SACM1L: variants seen among roughly 807,000 people sequenced by gnomAD.
The protein encoded by SACM1L is phosphatidylinositol-3-phosphatase SAC1.
Under a neutral mutation model 89.5 loss-of-function variants are expected in SACM1L, and 32 were observed. That is an observed-to-expected ratio of 0.36 (90% CI 0.27 to 0.48). The LOEUF (loss-of-function observed/expected upper bound fraction) is 0.48. Among genes scored for constraint, SACM1L ranks in the 20% least tolerant of loss-of-function variants. SACM1L has a pLI of 0.99. For missense variants in SACM1L, 543 were observed against 708.5 expected (o/e 0.77, Z 2.65); for synonymous variants, 213 against 232.8 (o/e 0.92, Z 0.77).
At chr3:45,704,177 G>C (rs1698334894) in intron 2 of SACM1L, among the ~76,000 whole-genome samples, 1 of 152,038 alleles carries the variant, frequency 6.6e-6, no homozygotes, top group Non-Finnish European at 1.5e-5. Context: ...TATACCATGT[G>C]ATAACATATT....
intron 1 of SACM1L, among the ~76,000 whole-genome samples, chr3:45,698,315 G>T (rs2673050): frequency 0.36 from 54,902 of 152,032 alleles, 11,061 homozygotes; most frequent in Middle Eastern, 0.5. Context: ...TACTTCTAAT[G>T]AGCATCCCTA....
chr3:45,712,858 G>T (rs1281787221), intron 5 of SACM1L, among the ~76,000 whole-genome samples: 2 of 152,156 alleles, frequency 1.3e-5, no homozygotes, highest in African/African-American at 4.8e-5. Flanking sequence ...GAGTAGAAAT[G>T]TAAAAAATAT....
intron 11 of SACM1L, 120 bp from the exon 12 acceptor site, chr3:45,731,181 T>G: frequency 1.8e-6 from 1 of 550,900 alleles, no homozygotes; most frequent in Non-Finnish European, 3.1e-6. Flanking sequence ...GCTTCTGGGT[T>G]TTTTTGATGT....
At chr3:45,697,269 CTTTTTTTTTTTTTTTT>C (rs869095037) in intron 1 of SACM1L, among the ~76,000 whole-genome samples, 1 of 92,090 alleles carries the variant, frequency 1.1e-5, no homozygotes, top group Non-Finnish European at 2.0e-5. Flanking sequence ...TTTTCTTTTC[CTTTTTTTTTTTTTTTT>C]TTTTTTTTTA....
chr3:45,718,334 GA>G (rs796950387), intron 7 of SACM1L, among the ~76,000 whole-genome samples: 3 of 150,886 alleles, frequency 2.0e-5, no homozygotes, highest in South Asian at 4.2e-4. Flanking sequence ...GACTAAACAA[GA>G]ATTTGTTTAG....
At chr3:45,742,389 A>G (rs1056860385) in intron 19 of SACM1L, among the ~76,000 whole-genome samples, 2 of 152,208 alleles carry the variant, frequency 1.3e-5, no homozygotes. Context: ...AAGAGAATAG[A>G]AAACAAATGT....
intron 11 of SACM1L, among the ~76,000 whole-genome samples, chr3:45,729,688 G>A (rs1435776206): frequency 3.9e-5 from 6 of 152,152 alleles, no homozygotes; most frequent in African/African-American, 1.2e-4. Context: ...AGAATCTCTT[G>A]TGTGTGATGA....
At chr3:45,689,803 C>G in intron 1 of SACM1L, 1 of 547,466 alleles carries the variant, frequency 1.8e-6, no homozygotes, top group Non-Finnish European at 3.3e-6. Flanking sequence ...TCAGGGCACG[C>G]TTGTCCCCAC....
At position 45,721,095 on chromosome 3, in the gene SACM1L, A is replaced by G. The variant is rs544080642; in HGVS notation, c.680-905A>G. Among the ~76,000 whole-genome samples, 4 of 152,366 alleles carry G rather than the reference A, an allele frequency of 2.6e-5. No individual in the cohort carries two copies. The South Asian group carries it at 8.3e-4, about 32-fold the overall frequency. ...AAGAATCCAAACACTTTGCTTTTCA[A>G]ACTAGGTTTTGTGAGCATATTCATG... On this transcript the variant is annotated intron_variant, in intron 8 of 19. Coordinates refer to ENST00000389061, the MANE Select transcript of SACM1L (RefSeq NM_014016.5).
intron 13 of SACM1L, among the ~76,000 whole-genome samples, chr3:45,732,485 G>T (rs1699098077): frequency 6.6e-6 from 1 of 151,956 alleles, no homozygotes; most frequent in Non-Finnish European, 1.5e-5. Flanking sequence ...GTATTTTGTT[G>T]TTAACCTGTA....
In SACM1L at chr3:45,727,089, G is replaced by A. The variant is rs376129075; in HGVS notation, c.921+3546G>A. On this transcript the variant is annotated intron_variant, in intron 11 of 19. Transcript: ENST00000389061. Reference sequence around the variant, plus strand: ...TTTAGTAGAGACGGGGTTTCACCTTGTTAGCCAGGATGGTCTCGATCTCCT... The same window carrying A: ...TTTAGTAGAGACGGGGTTTCACCTTATTAGCCAGGATGGTCTCGATCTCCT... Among the ~76,000 whole-genome samples the A allele has an allele frequency of 9.2e-4, 26 of 28,284 alleles. 10 individuals are homozygous for A. Among genetic ancestry groups the A allele is most frequent in the African/African-American group, 3.6e-3 (26 of 7,286 alleles). 18.6% of individuals were successfully genotyped at this position (28,284 alleles called of 152,430 possible). A position where few individuals can be genotyped will look rare whatever the true frequency, so the allele number is the denominator to read the frequency against.
At chr3:45,691,195 A>G (rs1697978472) in intron 1 of SACM1L, among the ~76,000 whole-genome samples, 1 of 152,222 alleles carries the variant, frequency 6.6e-6, no homozygotes, top group Admixed American at 6.5e-5. Flanking sequence ...AACTGGGGTT[A>G]TGTGAAAGTC....
chr3:45,693,135 T>C (rs1698036577), intron 1 of SACM1L, among the ~76,000 whole-genome samples: 1 of 152,214 alleles, frequency 6.6e-6, no homozygotes, highest in South Asian at 2.1e-4. Flanking sequence ...TGGTAAAGAT[T>C]TGTGTATGTA....
At chr3:45,732,975 A>G (rs1268654080) in intron 13 of SACM1L, among the ~76,000 whole-genome samples, 12 of 152,266 alleles carry the variant, frequency 7.9e-5, no homozygotes, top group Admixed American at 7.8e-4. Flanking sequence ...TAGGTAATCA[A>G]CTACAGTTAT....
chr3:45,734,989 A>T, intron 13 of SACM1L: 1 of 391,888 alleles, frequency 2.6e-6, no homozygotes, highest in Non-Finnish European at 4.5e-6. Context: ...TTACTTTTTC[A>T]CATCTTTGGG....
intron 1 of SACM1L, among the ~76,000 whole-genome samples, chr3:45,696,567 G>A (rs1575382942): frequency 1.3e-5 from 2 of 151,704 alleles, no homozygotes; most frequent in South Asian, 2.1e-4. Flanking sequence ...TGGCTGCACC[G>A]TTTTACATTC....
At chr3:45,713,966 C>A in intron 6 of SACM1L, 80 bp from the exon 7 acceptor site, 1 of 694,606 alleles carries the variant, frequency 1.4e-6, no homozygotes, top group South Asian at 2.8e-5. Context: ...TGTATATTAC[C>A]TCCCTATGTG....
intron 2 of SACM1L, 53 bp from the exon 3 acceptor site, chr3:45,705,082 T>A: frequency 8.5e-7 from 1 of 1,178,734 alleles, no homozygotes; most frequent in Non-Finnish European, 1.2e-6. Context: ...AATTTCTGTT[T>A]CTGTTGGTGA....
At chr3:45,692,931 C>A (rs1296174127) in intron 1 of SACM1L, among the ~76,000 whole-genome samples, 2 of 152,164 alleles carry the variant, frequency 1.3e-5, no homozygotes, top group African/African-American at 4.8e-5. Context: ...CTCTTACTGA[C>A]AGAGATACAT....
Sources: allele counts gnomAD v4.1 joint callset (sites outside exome capture counted in the v4.1 genomes callset), GRCh38; gene constraint gnomAD v4.1.1; transcripts MANE v1.5; gene names NCBI Gene and HGNC (gene_info 2026-07-23, HGNC 2026-07-21).